Variants in NUP214 observed in about 807,000 individuals in gnomAD.
NUP214 encodes the protein nuclear pore complex protein Nup214.
NUP214 carries 79 observed loss-of-function variants against 196.2 expected under a neutral mutation model. The observed-to-expected ratio is 0.40, with a 90% CI of 0.34 to 0.49. NUP214 has a LOEUF of 0.49. NUP214 is among the 20% of genes least tolerant of loss of function. The pLI is 0.58. For missense variants in NUP214, 2,468 were observed against 2,539.0 expected, an observed-to-expected ratio of 0.97 and a Z score of 0.60; for synonymous variants, 1,020 against 990.5, an observed-to-expected ratio of 1.03 and a Z score of -0.56.
At chr9:131,167,650 C>G (rs1249594773) in intron 21 of NUP214, 1 of 152,070 alleles carries the variant, frequency 6.6e-6, no homozygotes, top group East Asian at 1.9e-4. Context: ...GGTCTTTTTT[C>G]TTTTAACTAT....
chr9:131,206,470 G>C (rs889456994), intron 30 of NUP214, among the ~76,000 whole-genome samples: 10 of 151,524 alleles, frequency 6.6e-5, no homozygotes, highest in African/African-American at 2.2e-4. Flanking sequence ...TTTGAGACAG[G>C]ATCTCACTCT....
chr9:131,210,613 C>T (rs971577514), intron 30 of NUP214, among the ~76,000 whole-genome samples: 14 of 150,018 alleles, frequency 9.3e-5, no homozygotes, highest in Non-Finnish European at 1.5e-4. Context: ...GGAAACAGAG[C>T]GAGACTCCAT....
At chr9:131,189,836 C>G (rs1348730382) in intron 26 of NUP214, 1 of 152,540 alleles carries the variant, frequency 6.6e-6, no homozygotes, top group Non-Finnish European at 1.5e-5. Flanking sequence ...GCGTGTATTA[C>G]TTCCTGCTGC....
intron 27 of NUP214, chr9:131,194,248 A>AACCTCCAC (rs1833711878): frequency 1.3e-5 from 2 of 148,532 alleles, no homozygotes; most frequent in African/African-American, 4.9e-5. Context: ...GGCTCACTAC[A>AACCTCCAC]ACCTCCACCC....
intron 31 of NUP214, among the ~76,000 whole-genome samples, chr9:131,218,324 G>A (rs75445920): frequency 2.8e-3 from 432 of 152,324 alleles, no homozygotes; most frequent in Non-Finnish European, 4.3e-3. Context: ...TAAAAGGAAG[G>A]AACAGTGGAG....
At chr9:131,176,176 CAAAAAG>C (rs1411715576) in intron 23 of NUP214, among the ~76,000 whole-genome samples, 1 of 152,026 alleles carries the variant, frequency 6.6e-6, no homozygotes, top group Admixed American at 6.5e-5. Flanking sequence ...CACAAACAAA[CAAAAAG>C]AATGACCATT....
At chr9:131,162,477 G>A (rs1225948152) in intron 18 of NUP214, among the ~76,000 whole-genome samples, 2 of 152,216 alleles carry the variant, frequency 1.3e-5, no homozygotes, top group African/African-American at 4.8e-5. Context: ...GGCAGCTACT[G>A]TTGTCTCTGT....
At chr9:131,172,006 A>G (rs1832972489) in intron 21 of NUP214, among the ~76,000 whole-genome samples, 2 of 152,220 alleles carry the variant, frequency 1.3e-5, no homozygotes, top group African/African-American at 4.8e-5. Context: ...TAGTGCCGCA[A>G]TAAACATACG....
chr9:131,223,719 A>ATTTTTTTTTTTTTTTT (rs1564219704), intron 32 of NUP214, among the ~76,000 whole-genome samples: 1 of 15,532 alleles, frequency 6.4e-5, no homozygotes. Flanking sequence ...ATTTTTATTT[A>ATTTTTTTTTTTTTTTT]TTTATTTATT....
rs565420026 is a variant in NUP214 at position 131,174,216 on chromosome 9, G to A, written c.3055G>A (p.Val1019Ile). 1.7e-5 allele frequency: 28 copies of A among 1,613,916 alleles called. No individual in the cohort carries two copies. The East Asian group carries it at 5.8e-4, about 33-fold the overall frequency. The change falls in exon 22 of 36, where the codon GTT becomes ATT. Residue 1019 changes from valine (V) to isoleucine (I), a missense_variant. This residue lies in a region of NUP214 where 1,801 missense variants were observed against 1,779.4 expected (regional missense o/e 1.01). Coordinates refer to ENST00000359428, the MANE Select transcript of NUP214 (RefSeq NM_005085.4). ...TCAGGCCCCTCGGCACGCCCCCGTG[G>A]TTCGCACTCCTTCCATCCAGCCCAG... The part of the protein sequence containing the change: ...VVQAPRHAPV[V>I]RTPSIQPSLL...
At chr9:131,159,574 C>A in intron 18 of NUP214, 88 bp downstream of exon 18, 1 of 1,172,166 alleles carries the variant, frequency 8.5e-7, no homozygotes, top group Non-Finnish European at 1.2e-6. Flanking sequence ...ATGAAAATCC[C>A]AGGCCGGGTG....
chr9:131,137,633 C>T (rs537896550), intron 9 of NUP214, among the ~76,000 whole-genome samples: 1 of 149,702 alleles, frequency 6.7e-6, no homozygotes, highest in Admixed American at 6.7e-5. Context: ...TCACTGCAAC[C>T]TCCGCCTCCC....
rs957640788 is a variant in NUP214, at chr9:131,156,670, A to C, written c.2437-2713A>C. ...ATAGCAGTGCTACTGATTTGTGTAC[A>C]TTGATTTTGTATCCTGAAAGTTTAC... On this transcript the variant is annotated intron_variant, in intron 17 of 35. Coordinates refer to ENST00000359428, the MANE Select transcript of NUP214 (RefSeq NM_005085.4). Among the ~76,000 whole-genome samples, 20 of 150,778 alleles carry C rather than the reference A, an allele frequency of 1.3e-4. 1 individual carries two copies. The highest frequency in any genetic ancestry group is 6.6e-4 in the Admixed American group (10 of 15,102).
intron 26 of NUP214, 76 bp from the exon 27 acceptor site, chr9:131,192,132 A>C: frequency 1.0e-6 from 1 of 982,946 alleles, no homozygotes; most frequent in South Asian, 1.6e-5. Flanking sequence ...ACAGGGAATT[A>C]TACACTGGAA....
chr9:131,147,579 C>T lies in NUP214; in HGVS notation c.2035C>T (p.Pro679Ser), dbSNP rs1487768926. 11 of 1,610,402 alleles carry T rather than the reference C, an allele frequency of 6.8e-6. No individual in the cohort carries two copies. Among genetic ancestry groups the T allele is most frequent in the East Asian group, 2.2e-5 (1 of 44,846 alleles). The change falls in exon 14 of 36, where the codon CCC (proline) becomes TCC (serine). Residue 679 changes from proline (P) to serine (S), a missense_variant. Physicochemically the swap from Pro to Ser is moderately conservative, Grantham distance 74. Transcript: ENST00000359428. ...CCCTCCAGCGGCAAAGCCAGGCTCT[C>T]CCCAGGTATGTTTAAATTCAGCTTG... ...ITPPAAKPGS[P>S]QAKSLQPAVA...
rs565895078 is a variant in NUP214, at chr9:131,125,636, C to G, written c.-69C>G. The G allele has an allele frequency of 1.9e-6, 3 of 1,546,656 alleles. No homozygotes were observed. Among genetic ancestry groups the G allele is most frequent in the Middle Eastern group, 1.7e-4 (1 of 5,986 alleles). Reference sequence around the variant, plus strand: ...TGAGGGGAGGAAGTTTGCTGTCGAGCGGCCTGGGTTCCGTGGGCAAGGCCG... The same window carrying G: ...TGAGGGGAGGAAGTTTGCTGTCGAGGGGCCTGGGTTCCGTGGGCAAGGCCG... On this transcript the variant is annotated 5_prime_UTR_variant, in exon 1 of 36. Coordinates refer to ENST00000359428, the MANE Select transcript of NUP214 (RefSeq NM_005085.4). The surrounding 1 kb of genome is among the most constrained non-coding windows in gnomAD (Gnocchi z 4.1).
At chr9:131,175,707 T>C in intron 23 of NUP214, 86 bp downstream of exon 23, 1 of 1,493,394 alleles carries the variant, frequency 6.7e-7, no homozygotes, top group East Asian at 2.4e-5. Context: ...CAAGAAACAG[T>C]GGGCGCTCTT....
chr9:131,212,757 C>G (rs548904943), intron 30 of NUP214, among the ~76,000 whole-genome samples: 2 of 152,124 alleles, frequency 1.3e-5, no homozygotes, highest in East Asian at 1.9e-4. Context: ...TTAAAATTTT[C>G]GGATATAATG....
chr9:131,133,829 A>C (rs1831634666), intron 7 of NUP214: 1 of 152,202 alleles, frequency 6.6e-6, no homozygotes, highest in South Asian at 2.1e-4. Context: ...AAATTATTTC[A>C]TTTGCTCTCG....
Sources: allele counts gnomAD v4.1 joint callset (sites outside exome capture counted in the v4.1 genomes callset), GRCh38; gene constraint gnomAD v4.1.1; regional missense constraint gnomAD v4.1.1; non-coding constraint Gnocchi (gnomAD v3.1); transcripts MANE v1.5; gene names NCBI Gene and HGNC (gene_info 2026-07-23, HGNC 2026-07-21).